Variants in NRP1 observed in about 807,000 individuals in gnomAD.
NRP1 encodes the protein neuropilin 1.
In NRP1, 35 loss-of-function variants were observed where a neutral mutation model predicts 106.7. The ratio of observed to expected loss-of-function variants is 0.33; its 90% CI spans 0.25 to 0.43. The LOEUF (loss-of-function observed/expected upper bound fraction) is 0.43, where lower values mean the gene tolerates loss of function less well. NRP1 is among the 20% of genes least tolerant of loss of function. The pLI is 1.00. For missense variants in NRP1, 1,024 were observed against 1,170.4 expected, an observed-to-expected ratio of 0.87 and a Z score of 1.83; for synonymous variants, 437 against 417.9, an observed-to-expected ratio of 1.05 and a Z score of -0.56.
chr10:33,243,589 C>T (rs1474094831), intron 6 of NRP1, among the ~76,000 whole-genome samples: 1 of 151,428 alleles, frequency 6.6e-6, no homozygotes, highest in Non-Finnish European at 1.5e-5. Flanking sequence ...AGAATTGAGA[C>T]ATCTCATTCT....
At chr10:33,266,693 T>C (rs1331311) in intron 3 of NRP1, among the ~76,000 whole-genome samples, 104,744 of 151,954 alleles carry the variant, frequency 0.69, 37,530 homozygotes, top group African/African-American at 0.89. Context: ...TAATCCCCAA[T>C]GGTGGAGGTG....
intron 9 of NRP1, 124 bp from the exon 10 acceptor site, chr10:33,207,840 T>A: frequency 1.1e-5 from 10 of 884,006 alleles, no homozygotes; most frequent in Non-Finnish European, 1.6e-5. Context: ...TTCTACCACT[T>A]TGTGGTACAT....
At chr10:33,244,764 A>G (rs1160785151) in intron 6 of NRP1, among the ~76,000 whole-genome samples, 1 of 152,224 alleles carries the variant, frequency 6.6e-6, no homozygotes, top group African/African-American at 2.4e-5. Flanking sequence ...GAACTCTCTG[A>G]TTTACATACC....
chr10:33,318,446 C>T (rs536525976), intron 2 of NRP1, among the ~76,000 whole-genome samples: 1 of 152,138 alleles, frequency 6.6e-6, no homozygotes, highest in African/African-American at 2.4e-5. Context: ...CCCCAGCTTG[C>T]GTGAATGAAC....
intron 13 of NRP1, among the ~76,000 whole-genome samples, chr10:33,188,714 CA>C (rs1217392123): frequency 1.3e-5 from 2 of 151,298 alleles, no homozygotes; most frequent in Non-Finnish European, 2.9e-5. Context: ...ATGTCTCTAC[CA>C]AAAATACAAA....
intron 6 of NRP1, among the ~76,000 whole-genome samples, chr10:33,249,091 T>TG (rs1841649299): frequency 7.0e-6 from 1 of 142,226 alleles, no homozygotes; most frequent in Non-Finnish European, 1.6e-5. Context: ...CTTGTTTTTT[T>TG]TTTTTTTTTT....
chr10:33,223,037 A>C (rs372582998), intron 7 of NRP1, among the ~76,000 whole-genome samples: 14 of 152,338 alleles, frequency 9.2e-5, no homozygotes, highest in African/African-American at 2.6e-4. Context: ...GGTTGGGAAC[A>C]GCCCGTGGGA....
chr10:33,231,269 G>C (rs1038085233), intron 6 of NRP1, among the ~76,000 whole-genome samples: 1 of 152,062 alleles, frequency 6.6e-6, no homozygotes, highest in Non-Finnish European at 1.5e-5. Context: ...CCTTTGAAAA[G>C]CATCTGTTTT....
At chr10:33,188,013 T>C (rs1374417810) in intron 13 of NRP1, among the ~76,000 whole-genome samples, 2 of 152,292 alleles carry the variant, frequency 1.3e-5, no homozygotes, top group East Asian at 3.9e-4. Flanking sequence ...AATGTCCCTC[T>C]CGCTCTCTGA....
intron 2 of NRP1, among the ~76,000 whole-genome samples, chr10:33,273,837 T>C (rs889922935): frequency 6.6e-6 from 1 of 152,176 alleles, no homozygotes; most frequent in East Asian, 1.9e-4. Flanking sequence ...AAGGAGGCTA[T>C]GAATGGGTCC....
At chr10:33,194,626 C>T (rs1836647019) in intron 12 of NRP1, 1 of 458,950 alleles carries the variant, frequency 2.2e-6, no homozygotes, top group African/African-American at 2.0e-5. Flanking sequence ...AGGTGAACCG[C>T]TCTAAGTTTT....
intron 8 of NRP1, among the ~76,000 whole-genome samples, chr10:33,215,871 G>A (rs1011310191): frequency 6.6e-5 from 10 of 152,168 alleles, no homozygotes; most frequent in African/African-American, 1.9e-4. Context: ...GTCCTTGCAA[G>A]GCCTCTCCCC....
intron 2 of NRP1, among the ~76,000 whole-genome samples, chr10:33,288,093 T>C (rs1000985129): frequency 2.0e-5 from 3 of 152,130 alleles, no homozygotes; most frequent in Admixed American, 2.0e-4. Context: ...AAATAAAATA[T>C]ATATCCTAGT....
At chr10:33,273,078 A>G (rs998289708) in intron 2 of NRP1, among the ~76,000 whole-genome samples, 313 of 100,792 alleles carry the variant, frequency 3.1e-3, no homozygotes, top group African/African-American at 0.013. Context: ...TTTTAAAAGT[A>G]TGTGTGGGGT....
At chr10:33,193,577 TG>T (rs1488092274) in intron 12 of NRP1, among the ~76,000 whole-genome samples, 1 of 152,182 alleles carries the variant, frequency 6.6e-6, no homozygotes, top group Non-Finnish European at 1.5e-5. Context: ...TCTGGACCGT[TG>T]AACTTAAAAA....
chr10:33,322,177 G>C (rs991798980), intron 2 of NRP1, among the ~76,000 whole-genome samples: 1 of 152,092 alleles, frequency 6.6e-6, no homozygotes, highest in African/African-American at 2.4e-5. Context: ...AACAAGCACT[G>C]GACACAGTGG....
At chr10:33,246,000 T>C (rs1359544836) in intron 6 of NRP1, among the ~76,000 whole-genome samples, 3 of 152,182 alleles carry the variant, frequency 2.0e-5, no homozygotes, top group Non-Finnish European at 4.4e-5. Context: ...CTAAGAGGCT[T>C]TTTCAAATAT....
At chr10:33,241,556 T>C (rs1349027461) in intron 6 of NRP1, among the ~76,000 whole-genome samples, 1 of 152,048 alleles carries the variant, frequency 6.6e-6, no homozygotes, top group African/African-American at 2.4e-5. Flanking sequence ...TAAAACACGG[T>C]TGGATACCTC....
chr10:33,296,754 C>T (rs752515312), intron 2 of NRP1, among the ~76,000 whole-genome samples: 37 of 152,078 alleles, frequency 2.4e-4, no homozygotes, highest in Non-Finnish European at 3.8e-4. Flanking sequence ...TTAGGCTGGG[C>T]GTGGTTGCTC....
Sources: gnomAD v4.1 joint callset for allele counts (sites outside exome capture counted in the v4.1 genomes callset) on GRCh38, gnomAD v4.1.1 for gene constraint, MANE v1.5 for transcripts, NCBI Gene and HGNC (gene_info 2026-07-23, HGNC 2026-07-21) for gene names.